The following PTPRD variants were observed in gnomAD, a reference collection of about 807,000 sequenced individuals.
PTPRD encodes protein tyrosine phosphatase receptor type D.
A neutral mutation model predicts 214.5 loss-of-function variants in PTPRD; 34 were observed. The observed-to-expected ratio is 0.16, with a 90% CI of 0.12 to 0.21. PTPRD has a LOEUF of 0.21. Ranked by LOEUF, PTPRD falls within the 10% of genes least tolerant of loss-of-function variation. PTPRD has a pLI of 1.00. For synonymous variants in PTPRD, 1,128 were observed against 845.7 expected, an observed-to-expected ratio of 1.33 and a Z score of -5.79; for missense variants, 2,545 against 2,398.7, an observed-to-expected ratio of 1.06 and a Z score of -1.27.
At chr9:8,747,605 C>T (rs1812266355) in intron 11 of PTPRD, among the ~76,000 whole-genome samples, 1 of 152,138 alleles carries the variant, frequency 6.6e-6, no homozygotes, top group Non-Finnish European at 1.5e-5. Flanking sequence ...GTAATCCCTT[C>T]CAGGAAACCA....
chr9:8,777,981 C>G (rs2095550718), intron 11 of PTPRD, among the ~76,000 whole-genome samples: 2 of 152,164 alleles, frequency 1.3e-5, no homozygotes, highest in African/African-American at 2.4e-5. Flanking sequence ...TCTTCCATAT[C>G]AATGCTTTCA....
chr9:9,984,179 C>G (rs2095633436), intron 4 of PTPRD, among the ~76,000 whole-genome samples: 1 of 151,802 alleles, frequency 6.6e-6, no homozygotes, highest in Non-Finnish European at 1.5e-5. Context: ...AAACTGCAAA[C>G]TAAAGATTAT....
chr9:9,735,106 T>C (rs975524729), intron 6 of PTPRD, among the ~76,000 whole-genome samples: 1 of 152,134 alleles, frequency 6.6e-6, no homozygotes, highest in Non-Finnish European at 1.5e-5. Context: ...GATACTAAAA[T>C]GCAGCCTCTA....
intron 2 of PTPRD, among the ~76,000 whole-genome samples, chr9:10,543,739 G>T (rs1417539293): frequency 6.6e-6 from 1 of 152,188 alleles, no homozygotes; most frequent in Non-Finnish European, 1.5e-5. Context: ...TGGCTCTGGT[G>T]CCAAGAGCTA....
chr9:8,675,642 C>T lies in PTPRD; in HGVS notation c.65-38798G>A, dbSNP rs898765480. 4.5e-4 allele frequency among the ~76,000 whole-genome samples: 68 copies of T among 151,572 alleles called. 1 individual carries two copies. The highest frequency in any genetic ancestry group is 1.5e-3 in the African/African-American group (63 of 41,278). On this transcript the variant is annotated intron_variant, in intron 12 of 45. Transcript: ENST00000381196. ...ATCCAAGACATGATGAAGCCCTGTG[C>T]CTCCTTCAACATCATCAAAACATTC...
At chr9:10,439,629 C>A (rs962476129) in intron 2 of PTPRD, among the ~76,000 whole-genome samples, 11 of 151,336 alleles carry the variant, frequency 7.3e-5, no homozygotes, top group Non-Finnish European at 1.5e-4. Flanking sequence ...TTTGTGCAAA[C>A]TATAAAGTGA....
rs2081288437 is a variant in PTPRD at position 10,612,408 on chromosome 9, GC to G, written c.-611del. Reference sequence around the variant, plus strand: ...GCACAGTTTACTTACTAAAGCAGCCGCTCCAGTCCTCCTTGGAAACCCTGAG... The same window carrying G: ...GCACAGTTTACTTACTAAAGCAGCCGTCCAGTCCTCCTTGGAAACCCTGAG... On this transcript the variant is annotated 5_prime_UTR_variant, in exon 2 of 46. Coordinates refer to ENST00000381196, the MANE Select transcript of PTPRD (RefSeq NM_002839.4). The G allele has an allele frequency of 6.6e-6, 1 of 152,180 alleles. No individual in the cohort carries two copies. The highest frequency in any genetic ancestry group is 6.5e-5 in the Admixed American group (1 of 15,284). The allele number at this position is 152,180 out of a possible 1,614,324, so 9.4% of individuals were successfully genotyped here. A position where few individuals can be genotyped will look rare whatever the true frequency, so the allele number is the denominator to read the frequency against.
intron 2 of PTPRD, among the ~76,000 whole-genome samples, chr9:10,503,785 A>C (rs1193033084): frequency 6.6e-6 from 1 of 151,970 alleles, no homozygotes; most frequent in Non-Finnish European, 1.5e-5. Context: ...AGGGGACAAT[A>C]GATGTCCAGG....
At chr9:10,387,923 A>C (rs1319780456) in intron 2 of PTPRD, among the ~76,000 whole-genome samples, 4 of 148,534 alleles carry the variant, frequency 2.7e-5, no homozygotes, top group Non-Finnish European at 5.9e-5. Context: ...GGCCTCCCAA[A>C]GTGCTGGAAT....
chr9:10,493,652 T>C (rs1169701349), intron 2 of PTPRD, among the ~76,000 whole-genome samples: 2 of 152,070 alleles, frequency 1.3e-5, no homozygotes, highest in Non-Finnish European at 2.9e-5. Flanking sequence ...GTTTGCCTAA[T>C]ACCACATAAC....
At chr9:8,349,966 T>C (rs1228045397) in intron 39 of PTPRD, among the ~76,000 whole-genome samples, 1 of 151,202 alleles carries the variant, frequency 6.6e-6, no homozygotes. Flanking sequence ...CAGTAAGTGA[T>C]AGACGTTCCA....
At chr9:8,562,428 ATTTAT>A (rs200092347) in intron 14 of PTPRD, among the ~76,000 whole-genome samples, 16 of 149,460 alleles carry the variant, frequency 1.1e-4, no homozygotes, top group African/African-American at 2.3e-4. Context: ...TTATTTATTT[ATTTAT>A]TTTATTTTAT....
In PTPRD at chr9:8,316,350, A is replaced by G. The variant is rs1256950026; in HGVS notation, c.*1524T>C. On this transcript the variant is annotated 3_prime_UTR_variant, in exon 46 of 46. Transcript: ENST00000381196. ...ATAGGCATCAATTATAAGGCACTCT[A>G]AATGCAAAACTAAAACCAAAACGAA... 3 of 231,598 alleles carry G rather than the reference A, an allele frequency of 1.3e-5. No homozygotes were observed. The highest frequency in any genetic ancestry group is 2.6e-5 in the Non-Finnish European group (3 of 116,824). 14.3% of individuals were successfully genotyped at this position (231,598 alleles called of 1,614,324 possible).
chr9:9,831,113 G>A lies in PTPRD; in HGVS notation c.-367-64262C>T, dbSNP rs373244229. Among the ~76,000 whole-genome samples the A allele has an allele frequency of 1.6e-4, 24 of 152,040 alleles. No homozygotes were observed. The South Asian group carries it at 5.0e-3, about 31-fold the overall frequency. ...CCCAGTAGAAGCAAAGCTTCAGGGTGTAGCACTGATGTCGTCATTAAGCAC... is the reference window on the plus strand; with the variant it reads ...CCCAGTAGAAGCAAAGCTTCAGGGTATAGCACTGATGTCGTCATTAAGCAC... On this transcript the variant is annotated intron_variant, in intron 5 of 45. Transcript: ENST00000381196.
At chr9:8,533,272 AG>A (rs2076157249) in intron 14 of PTPRD, among the ~76,000 whole-genome samples, 1 of 152,008 alleles carries the variant, frequency 6.6e-6, no homozygotes, top group African/African-American at 2.4e-5. Context: ...TAATCTTGCT[AG>A]GGCTCTTGCT....
chr9:10,170,925 T>C lies in PTPRD; in HGVS notation c.-544-137135A>G, dbSNP rs56324131. On this transcript the variant is annotated intron_variant, in intron 3 of 45. Transcript: ENST00000381196. ...TGATTCAAGAACACACCCTCATTAC[T>C]CTTCTCCACCCGGTATAATTTTCAC... Among the ~76,000 whole-genome samples, 600 of 152,248 alleles carry C rather than the reference T, an allele frequency of 3.9e-3. 1 individual carries two copies. The highest frequency in any genetic ancestry group is 6.8e-3 in the Non-Finnish European group (465 of 68,014).
intron 3 of PTPRD, among the ~76,000 whole-genome samples, chr9:10,236,369 T>C (rs574118675): frequency 1.3e-5 from 2 of 152,078 alleles, no homozygotes; most frequent in African/African-American, 2.4e-5. Flanking sequence ...AAGGCTCCTA[T>C]CTTGACAGTT....
intron 8 of PTPRD, among the ~76,000 whole-genome samples, chr9:9,471,537 T>G (rs529839727): frequency 6.6e-6 from 1 of 152,186 alleles, no homozygotes; most frequent in Non-Finnish European, 1.5e-5. Flanking sequence ...ATTGCTTAAA[T>G]AGAAGTGAGT....
At chr9:8,992,558 C>G (rs1378073723) in intron 11 of PTPRD, among the ~76,000 whole-genome samples, 1 of 152,106 alleles carries the variant, frequency 6.6e-6, no homozygotes, top group Non-Finnish European at 1.5e-5. Flanking sequence ...TTATTTAGCA[C>G]AACGAATATT....
Sources: allele counts gnomAD v4.1 joint callset (sites outside exome capture counted in the v4.1 genomes callset), GRCh38; gene constraint gnomAD v4.1.1; transcripts MANE v1.5; gene names NCBI Gene and HGNC (gene_info 2026-07-23, HGNC 2026-07-21).